Variants in HEG1 observed in about 807,000 individuals in gnomAD.
HEG1 encodes the protein heart development protein with EGF like domains 1.
In HEG1, 56 loss-of-function variants were observed where a neutral mutation model predicts 125.6. That is an observed-to-expected ratio of 0.45 (90% confidence interval 0.36 to 0.56). The LOEUF is 0.56. Among genes scored for constraint, HEG1 ranks in the 20% least tolerant of loss-of-function variants. The pLI is 0.00. For missense variants in HEG1, 1,523 were observed against 1,670.0 expected (o/e 0.91, Z 1.53); for synonymous variants, 644 against 668.5 (o/e 0.96, Z 0.57).
At position 125,055,792 on chromosome 3, in the gene HEG1, C is replaced by A; in HGVS notation, c.99G>T (p.Pro33=). The change falls in exon 1 of 17, where the codon CCG becomes CCT. Residue 33 remains proline, a synonymous_variant. Coordinates refer to ENST00000311127, the MANE Select transcript of HEG1 (RefSeq NM_020733.2). The part of the protein sequence containing the change: ...LPPAAPGTRD[P]PPSPARRALS... ...GCGCGCGGCGAGCCGGGGAAGGCGG[C>A]GGGTCCCGCGTCCCGGGGGCCGCCG... 1 of 987,702 alleles carries A rather than the reference C, an allele frequency of 1.0e-6. No homozygotes were observed. The highest frequency in any genetic ancestry group is 1.2e-6 in the Non-Finnish European group (1 of 831,816). 61.2% of individuals were successfully genotyped at this position (987,702 alleles called of 1,614,324 possible).
At chr3:124,987,952 C>CACACACACATATAT in intron 14 of HEG1, among the ~76,000 whole-genome samples, 1 of 54,704 alleles carries the variant, frequency 1.8e-5, no homozygotes, top group African/African-American at 4.8e-5. Context: ...CACACACACA[C>CACACACACATATAT]ATATATATAT....
chr3:124,991,119 T>A, intron 12 of HEG1, 133 bp from the exon 13 acceptor site: 1 of 672,312 alleles, frequency 1.5e-6, no homozygotes, highest in Non-Finnish European at 2.6e-6. Context: ...TTTGGAATGA[T>A]CCTCACTTAA....
At chr3:124,970,891 A>T (rs994769546) in intron 16 of HEG1, 90 bp from the exon 17 acceptor site, 2 of 1,117,304 alleles carry the variant, frequency 1.8e-6, no homozygotes, top group Middle Eastern at 2.0e-4. Context: ...AGACCAATGT[A>T]AGAAAAGATC....
rs371922838 is a variant in HEG1, at chr3:125,013,988, C to A, written c.1591G>T (p.Ala531Ser). Reference sequence around the variant, plus strand: ...CGCACTTGACCGTAGCTAATCCCAGCGACTGTAAACGGAAAAGCCAAAGTT... The same window carrying A: ...CGCACTTGACCGTAGCTAATCCCAGAGACTGTAAACGGAAAAGCCAAAGTT... ...SSAPRGERSI[A>S]GISYGQVRGT... is the part of the protein sequence containing the mutation. Residue 531 changes from alanine (A) to serine (S), a missense_variant and splice_region_variant, in exon 6 of 17, where the codon GCT becomes TCT. Ala to Ser is a moderately conservative substitution (Grantham distance 99, BLOSUM62 1). Transcript: ENST00000311127. 47 of 1,592,202 alleles carry A rather than the reference C, an allele frequency of 3.0e-5. No individual in the cohort carries two copies. Among genetic ancestry groups the A allele is most frequent in the Admixed American group, 3.5e-5 (2 of 56,364 alleles).
At chr3:125,012,123 C>A (rs1027988923) in intron 6 of HEG1, among the ~76,000 whole-genome samples, 4 of 152,206 alleles carry the variant, frequency 2.6e-5, no homozygotes, top group Non-Finnish European at 5.9e-5. Flanking sequence ...AAGAGAAGCC[C>A]AGTGACGCCA....
chr3:125,030,708 A>G (rs1490877686), intron 1 of HEG1, among the ~76,000 whole-genome samples: 1 of 152,200 alleles, frequency 6.6e-6, no homozygotes, highest in Admixed American at 6.5e-5. Flanking sequence ...CACAAAGATG[A>G]AGACAGGTCC....
In HEG1 at chr3:124,967,220, A is replaced by G. The variant is rs1936331737; in HGVS notation, c.*3432T>C. On this transcript the variant is annotated 3_prime_UTR_variant, in exon 17 of 17. Transcript: ENST00000311127. ...AAACAGTTCACAAAAATATGCTTCC[A>G]GTATGTGGGAGCCATGGCCTTACCA... is the stretch of plus-strand genomic sequence containing the variant. 6.6e-6 allele frequency: 1 copy of G among 152,216 alleles called. No individual in the cohort carries two copies. The highest frequency in any genetic ancestry group is 1.5e-5 in the Non-Finnish European group (1 of 68,052). The allele number at this position is 152,216 out of a possible 1,614,324, so 9.4% of individuals were successfully genotyped here.
rs1487905378 is a variant in HEG1 at position 125,003,122 on chromosome 3, A to G, written c.3298-807T>C. Among the ~76,000 whole-genome samples, 3 of 152,170 alleles carry G rather than the reference A, an allele frequency of 2.0e-5. No homozygotes were observed. In the East Asian group the frequency reaches 5.8e-4, roughly 29 times the overall value. On this transcript the variant is annotated intron_variant, in intron 9 of 16. Coordinates refer to ENST00000311127, the MANE Select transcript of HEG1 (RefSeq NM_020733.2). ...GTGTATAGCCTAATAGCAATGATTT[A>G]TTATTGTTGTTTTATTATTAACCTG...
chr3:125,006,698 C>T (rs1278876543), intron 8 of HEG1, among the ~76,000 whole-genome samples: 2 of 152,202 alleles, frequency 1.3e-5, no homozygotes, highest in Admixed American at 6.5e-5. Flanking sequence ...TCAGCATGCT[C>T]TAATTTGCAT....
rs762172740 is a variant in HEG1, at chr3:125,010,552, T to C, written c.2960A>G (p.Asn987Ser). ...PTTVSSSASVNSCAVNPCLHN... is the reference protein window; with the variant it reads ...PTTVSSSASVSSCAVNPCLHN... ...AAGACAAGGGTTCACAGCACAGCTG[T>C]TGACTACAAACACATTCCAGGAGTA... Residue 987 changes from asparagine to serine, a missense_variant, in exon 7 of 17, where the codon AAC becomes AGC. Physicochemically the swap from Asn to Ser is conservative, Grantham distance 46 (BLOSUM62 1). Coordinates refer to ENST00000311127, the MANE Select transcript of HEG1 (RefSeq NM_020733.2). 2.6e-6 allele frequency: 4 copies of C among 1,547,984 alleles called. No individual in the cohort carries two copies. The highest frequency in any genetic ancestry group is 3.5e-6 in the Non-Finnish European group (4 of 1,143,454).
intron 8 of HEG1, among the ~76,000 whole-genome samples, chr3:125,006,701 A>G (rs1210162814): frequency 6.6e-6 from 1 of 152,218 alleles, no homozygotes; most frequent in East Asian, 1.9e-4. Flanking sequence ...GCATGCTCTA[A>G]TTTGCATGTT....
chr3:125,009,800 G>A lies in HEG1; in HGVS notation c.3098C>T (p.Pro1033Leu), dbSNP rs1416743301. The A allele has an allele frequency of 3.1e-6, 5 of 1,613,394 alleles. No individual in the cohort carries two copies. The Admixed American group carries it at 6.7e-5, about 22-fold the overall frequency. ...SVDVNECLSN[P>L]CPSTAMCNNT... ...GTTGCACATGGCTGTGGATGGGCAG[G>A]GGTTCGACAGGCACTCATTCACATC... The change falls in exon 8 of 17, where the codon CCC (proline) becomes CTC (leucine). Residue 1033 changes from proline to leucine, a missense_variant. Pro to Leu is a moderately conservative substitution (Grantham distance 98, BLOSUM62 -3). Coordinates refer to ENST00000311127, the MANE Select transcript of HEG1 (RefSeq NM_020733.2).
rs909803779 is a variant in HEG1 at position 125,001,350 on chromosome 3, A to G, written c.3517+502T>C. Among the ~76,000 whole-genome samples, 5 of 151,864 alleles carry G rather than the reference A, an allele frequency of 3.3e-5. No individual in the cohort carries two copies. In the East Asian group the frequency reaches 9.7e-4, roughly 29 times the overall value. ...GCCCAGGCTGGGGTGCAGTGGTGCA[A>G]TCATAGCTCATTGCAGCCTCGAACT... On this transcript the variant is annotated intron_variant, in intron 11 of 16. Transcript: ENST00000311127.
intron 16 of HEG1, 116 bp downstream of exon 16, chr3:124,973,615 G>T: frequency 2.7e-6 from 2 of 728,980 alleles, no homozygotes; most frequent in Non-Finnish European, 4.4e-6. Flanking sequence ...AGAGGTTCAT[G>T]CCACTACTCT....
chr3:124,996,794 C>T (rs1165644378), intron 12 of HEG1, among the ~76,000 whole-genome samples: 3 of 152,232 alleles, frequency 2.0e-5, no homozygotes, highest in Non-Finnish European at 4.4e-5. Context: ...CCATTGACAT[C>T]TGTCACCAGC....
intron 1 of HEG1, among the ~76,000 whole-genome samples, chr3:125,043,154 A>C (rs1055685004): frequency 1.3e-5 from 2 of 152,234 alleles, no homozygotes; most frequent in African/African-American, 4.8e-5. Context: ...GCGATGAAGA[A>C]AGTAAAATCT....
At chr3:125,012,545 T>A in intron 6 of HEG1, 78 bp downstream of exon 6, 2 of 1,377,000 alleles carry the variant, frequency 1.5e-6, no homozygotes, top group Non-Finnish European at 2.0e-6. Flanking sequence ...CAAATTCACA[T>A]GAACCCCGAG....
intron 3 of HEG1, among the ~76,000 whole-genome samples, chr3:125,022,708 T>A (rs2948789): frequency 2.0e-5 from 3 of 148,132 alleles, no homozygotes; most frequent in African/African-American, 5.0e-5. Context: ...AATAAATAAA[T>A]AAAAAGAAAA....
At chr3:125,040,744 C>G (rs1937587912) in intron 1 of HEG1, among the ~76,000 whole-genome samples, 3 of 151,628 alleles carry the variant, frequency 2.0e-5, no homozygotes, top group South Asian at 4.2e-4. Flanking sequence ...TAGCACCCTC[C>G]TTTAAAATTC....
Sources: allele counts gnomAD v4.1 joint callset (sites outside exome capture counted in the v4.1 genomes callset), GRCh38; gene constraint gnomAD v4.1.1; transcripts MANE v1.5; gene names NCBI Gene and HGNC (gene_info 2026-07-23, HGNC 2026-07-21).